The following CMTM4 variants were observed in gnomAD, a reference collection of about 807,000 sequenced individuals.
The protein encoded by CMTM4 is CKLF-like MARVEL transmembrane domain-containing protein 4.
CMTM4 carries 8 observed loss-of-function variants against 19.0 expected under a neutral mutation model. The ratio of observed to expected loss-of-function variants is 0.42; its 90% CI spans 0.25 to 0.76. The LOEUF is 0.76. Ranked by LOEUF, CMTM4 falls within the 30% of genes least tolerant of loss-of-function variation. The pLI is 0.27. For missense variants in CMTM4, 228 were observed against 290.2 expected, an observed-to-expected ratio of 0.79 and a Z score of 1.56; for synonymous variants, 106 against 121.1, an observed-to-expected ratio of 0.88 and a Z score of 0.82.
intron 1 of CMTM4, among the ~76,000 whole-genome samples, chr16:66,684,581 C>T (rs1181473539): frequency 6.6e-6 from 1 of 152,156 alleles, no homozygotes; most frequent in African/African-American, 2.4e-5. Context: ...AAAGGCCACA[C>T]ACGAGAGGCA....
At chr16:66,631,213 G>C (rs905908920) in intron 2 of CMTM4, among the ~76,000 whole-genome samples, 1 of 129,762 alleles carries the variant, frequency 7.7e-6, no homozygotes, top group Non-Finnish European at 1.6e-5. Context: ...GGAGGGAGGT[G>C]GGGGGTCAGC....
chr16:66,652,427 C>G (rs1181379544), intron 1 of CMTM4, among the ~76,000 whole-genome samples: 2 of 152,182 alleles, frequency 1.3e-5, no homozygotes, highest in Non-Finnish European at 2.9e-5. Flanking sequence ...TGGCCTGTGT[C>G]ACTAAGGCCT....
Position 66,680,826 on chromosome 16 carries a change from A to C in CMTM4, c.186+15514T>G, listed in dbSNP as rs557557629. The stretch of plus-strand genomic sequence containing the variant: ...CCATAATGGCCACCTCCACCTCTTA[A>C]CTCTCTCTCATTTAGTTATGTCCTT... On this transcript the variant is annotated intron_variant, in intron 1 of 3. Transcript: ENST00000394106. 2.0e-4 allele frequency among the ~76,000 whole-genome samples: 30 copies of C among 150,074 alleles called. 1 individual carries two copies. The highest frequency in any genetic ancestry group is 7.0e-3 in the Middle Eastern group (2 of 284).
chr16:66,681,537 C>T (rs1018586722), intron 1 of CMTM4, among the ~76,000 whole-genome samples: 1 of 152,122 alleles, frequency 6.6e-6, no homozygotes, highest in African/African-American at 2.4e-5. Flanking sequence ...ATCTCCTGAC[C>T]TTGGGATCCA....
At chr16:66,607,165 CTG>C in the CMTM4 span, among the ~76,000 whole-genome samples, 2 of 152,228 alleles carry the variant, frequency 1.3e-5, no homozygotes, top group African/African-American at 4.8e-5. Context: ...GTACCAGGCA[CTG>C]TGGAGCCCCA....
intron 1 of CMTM4, among the ~76,000 whole-genome samples, chr16:66,672,786 T>C (rs2016734281): frequency 6.9e-6 from 1 of 144,612 alleles, no homozygotes; most frequent in African/African-American, 2.6e-5. Context: ...GTTTTTTGTT[T>C]TGTTTTTTTT....
the CMTM4 span, among the ~76,000 whole-genome samples, chr16:66,606,902 G>C: frequency 6.6e-6 from 1 of 152,238 alleles, no homozygotes; most frequent in African/African-American, 2.4e-5. Context: ...GCTGAGGCAG[G>C]AGAATCACTT....
chr16:66,645,671 C>T (rs143948324), intron 1 of CMTM4, among the ~76,000 whole-genome samples: 8 of 151,594 alleles, frequency 5.3e-5, no homozygotes, highest in Admixed American at 1.3e-4. Flanking sequence ...TGACGCTGCA[C>T]TGTGTGTCGT....
intron 1 of CMTM4, among the ~76,000 whole-genome samples, chr16:66,639,942 TGGGA>T (rs990999680): frequency 2.0e-5 from 3 of 152,172 alleles, no homozygotes; most frequent in Non-Finnish European, 2.9e-5. Flanking sequence ...CCCTTGAACC[TGGGA>T]GGCGGAAGTT....
Position 66,619,515 on chromosome 16 carries a change from G to A in CMTM4, c.*2543C>T, listed in dbSNP as rs1019014145. 13 of 985,202 alleles carry A rather than the reference G, an allele frequency of 1.3e-5. No homozygotes were observed. The highest frequency in any genetic ancestry group is 9.4e-5 in the South Asian group (2 of 21,280). 61.0% of individuals were successfully genotyped at this position (985,202 alleles called of 1,614,324 possible). ...TTGGTCCCTATTGAAACTATTAAAC[G>A]CAAAAACGCTTCCTTCAATTTGCCA... is the stretch of plus-strand genomic sequence containing the variant. On this transcript the variant is annotated 3_prime_UTR_variant, in exon 4 of 4. Transcript: ENST00000394106.
At chr16:66,606,001 C>T in the CMTM4 span, among the ~76,000 whole-genome samples, 1 of 152,154 alleles carries the variant, frequency 6.6e-6, no homozygotes, top group Non-Finnish European at 1.5e-5. Flanking sequence ...GCCTCGAATC[C>T]ACCGTCCCCA....
intron 1 of CMTM4, among the ~76,000 whole-genome samples, chr16:66,695,016 T>C (rs968937720): frequency 6.6e-6 from 1 of 152,086 alleles, no homozygotes; most frequent in African/African-American, 2.4e-5. Context: ...CCACACATTA[T>C]ATTATTCCCA....
rs115477145 is a variant in CMTM4, at chr16:66,689,081, G to A, written c.186+7259C>T. 9.4e-3 allele frequency among the ~76,000 whole-genome samples: 1,428 copies of A among 152,182 alleles called. 24 individuals are homozygous for A. The highest frequency in any genetic ancestry group is 0.033 in the African/African-American group (1,358 of 41,510). On this transcript the variant is annotated intron_variant, in intron 1 of 3. Coordinates refer to ENST00000394106, the MANE Select transcript of CMTM4 (RefSeq NM_181521.3). Reference sequence around the variant, plus strand: ...TTATCTACCTAATCATGCCATATGCGAATAGGGACAGTTTTATTTATTTCT... The same window carrying A: ...TTATCTACCTAATCATGCCATATGCAAATAGGGACAGTTTTATTTATTTCT...
In CMTM4 at chr16:66,618,423, T is replaced by C. The variant is rs2015566273; in HGVS notation, c.*3635A>G. On this transcript the variant is annotated 3_prime_UTR_variant, in exon 4 of 4. Coordinates refer to ENST00000394106, the MANE Select transcript of CMTM4 (RefSeq NM_181521.3). ...GCAGAATCACTAAATTGTTCAGGTG[T>C]CTCCATGCTCTATTCATCTCCTAGG... 13 of 985,424 alleles carry C rather than the reference T, an allele frequency of 1.3e-5. No individual in the cohort carries two copies. Among genetic ancestry groups the C allele is most frequent in the Non-Finnish European group, 1.6e-5 (13 of 829,926 alleles). 61.0% of individuals were successfully genotyped at this position (985,424 alleles called of 1,614,324 possible).
chr16:66,664,479 T>C (rs189629072), intron 1 of CMTM4, among the ~76,000 whole-genome samples: 2 of 152,210 alleles, frequency 1.3e-5, no homozygotes, highest in African/African-American at 2.4e-5. Flanking sequence ...TGTAACAATG[T>C]TGGGATTTCA....
intron 1 of CMTM4, among the ~76,000 whole-genome samples, chr16:66,648,132 G>T (rs2016241167): frequency 6.6e-6 from 1 of 152,226 alleles, no homozygotes; most frequent in Admixed American, 6.5e-5. Context: ...GCTGCCAAGT[G>T]CATCACTTTC....
chr16:66,630,563 C>G (rs1391286803), intron 2 of CMTM4, among the ~76,000 whole-genome samples: 2 of 151,992 alleles, frequency 1.3e-5, no homozygotes, highest in African/African-American at 2.4e-5. Context: ...TGGTCTCCAG[C>G]TCCTAACCGC....
At chr16:66,652,232 C>T (rs951655104) in intron 1 of CMTM4, among the ~76,000 whole-genome samples, 3 of 152,118 alleles carry the variant, frequency 2.0e-5, no homozygotes, top group Non-Finnish European at 4.4e-5. Flanking sequence ...GAAAACAAAG[C>T]GCAGGCAAGG....
At position 66,620,544 on chromosome 16, in the gene CMTM4, AC is replaced by A. The variant is rs2015611523; in HGVS notation, c.*1513del. On this transcript the variant is annotated 3_prime_UTR_variant, in exon 4 of 4. Transcript: ENST00000394106. ...GTCCTTTTCTGGGGAATGAGACGCC[AC>A]ATGTCCATAAGGTGACGCTTTCTTG... is the stretch of plus-strand genomic sequence containing the variant. 3 of 985,470 alleles carry A rather than the reference AC, an allele frequency of 3.0e-6. No homozygotes were observed. The South Asian group carries it at 1.4e-4, about 46-fold the overall frequency. 61.0% of individuals were successfully genotyped at this position (985,470 alleles called of 1,614,324 possible).
Sources: allele counts gnomAD v4.1 joint callset (sites outside exome capture counted in the v4.1 genomes callset), GRCh38; gene constraint gnomAD v4.1.1; transcripts MANE v1.5; gene names NCBI Gene and HGNC (gene_info 2026-07-23, HGNC 2026-07-21).